Variants in GTF2H5 observed in about 807,000 individuals in gnomAD.
The protein encoded by GTF2H5 is TFB5 ortholog.
In GTF2H5, 5 loss-of-function variants were observed where a neutral mutation model predicts 7.1. The ratio of observed to expected loss-of-function variants is 0.71; its 90% CI spans 0.37 to 1.49. GTF2H5 has a LOEUF of 1.49. GTF2H5 is among the 40% of genes most tolerant of loss of function. The pLI is 0.03. For synonymous variants in GTF2H5, 30 were observed against 31.7 expected (o/e 0.95, Z 0.18); for missense variants, 80 against 83.0 (o/e 0.96, Z 0.14).
chr6:158,196,627 A>G lies in GTF2H5; in HGVS notation c.*4470A>G, dbSNP rs1361413374. On this transcript the variant is annotated 3_prime_UTR_variant, in exon 3 of 3. Coordinates refer to ENST00000607778, the MANE Select transcript of GTF2H5 (RefSeq NM_207118.3). ...TATCAGTTTAAATAGAGCCCCTGTC[A>G]GAACAATATGAATTCTGCTAAAACT... 6.6e-6 allele frequency: 1 copy of G among 152,256 alleles called. No homozygotes were observed. The highest frequency in any genetic ancestry group is 1.9e-4 in the East Asian group (1 of 5,198). 9.4% of individuals were successfully genotyped at this position (152,256 alleles called of 1,614,324 possible).
chr6:158,173,644 G>T (rs942197884), intron 2 of GTF2H5, among the ~76,000 whole-genome samples: 1 of 152,164 alleles, frequency 6.6e-6, no homozygotes, highest in African/African-American at 2.4e-5. Context: ...GCTGTTGCAG[G>T]TGAATACCAA....
intron 2 of GTF2H5, among the ~76,000 whole-genome samples, chr6:158,188,041 G>A (rs549227877): frequency 5.9e-5 from 9 of 152,198 alleles, no homozygotes; most frequent in South Asian, 2.1e-4. Context: ...TGGGGGGTGG[G>A]GTGCTTAGAA....
chr6:158,170,605 T>C, intron 2 of GTF2H5, 67 bp downstream of exon 2: 1 of 1,100,326 alleles, frequency 9.1e-7, no homozygotes, highest in Non-Finnish European at 1.4e-6. Flanking sequence ...ATGTATGTCT[T>C]TTCTAAAACC....
rs890373069 is a variant in GTF2H5, at chr6:158,193,451, A to G, written c.*1294A>G. ...TTTTCCAAGAGAAAAGAGAATTTTC[A>G]TGACCTGTAGACTCTTACAAATCCA... On this transcript the variant is annotated 3_prime_UTR_variant, in exon 3 of 3. Transcript: ENST00000607778. The G allele has an allele frequency of 3.3e-5, 5 of 152,222 alleles. No homozygotes were observed. The highest frequency in any genetic ancestry group is 5.9e-5 in the Non-Finnish European group (4 of 68,044). The allele number at this position is 152,222 out of a possible 1,614,324, so 9.4% of individuals were successfully genotyped here. A position where few individuals can be genotyped will look rare whatever the true frequency, so the allele number is the denominator to read the frequency against.
chr6:158,188,055 T>C (rs1380072078), intron 2 of GTF2H5, among the ~76,000 whole-genome samples: 1 of 152,202 alleles, frequency 6.6e-6, no homozygotes, highest in African/African-American at 2.4e-5. Context: ...CTTAGAACTT[T>C]ATTTTTGGTT....
chr6:158,182,618 A>G (rs565029160), intron 2 of GTF2H5, among the ~76,000 whole-genome samples: 38 of 151,674 alleles, frequency 2.5e-4, no homozygotes, highest in South Asian at 1.0e-3. Flanking sequence ...GTTGTATTTC[A>G]TGAATTTGAT....
At chr6:158,169,475 T>A (rs1416713514) in intron 1 of GTF2H5, among the ~76,000 whole-genome samples, 1 of 48,674 alleles carries the variant, frequency 2.1e-5, no homozygotes, top group Non-Finnish European at 3.0e-5. Context: ...TATTGTATAT[T>A]ATATATAATA....
chr6:158,179,820 AC>A (rs796676615), intron 2 of GTF2H5, among the ~76,000 whole-genome samples: 4 of 152,174 alleles, frequency 2.6e-5, no homozygotes, highest in African/African-American at 7.2e-5. Flanking sequence ...CTATCTGAAT[AC>A]CCTTTATTGC....
At chr6:158,169,358 A>G (rs13204908) in intron 1 of GTF2H5, among the ~76,000 whole-genome samples, 4 of 80,922 alleles carry the variant, frequency 4.9e-5, no homozygotes, top group African/African-American at 8.3e-5. Flanking sequence ...TATATATAAT[A>G]CATATATATA....
At chr6:158,182,712 G>C (rs1169506535) in intron 2 of GTF2H5, among the ~76,000 whole-genome samples, 1 of 151,868 alleles carries the variant, frequency 6.6e-6, no homozygotes, top group Non-Finnish European at 1.5e-5. Context: ...TCGTACTGTG[G>C]TTTTCAGCAC....
In GTF2H5 at chr6:158,196,986, A is replaced by G. The variant is rs983804214; in HGVS notation, c.*4829A>G. ...TAAAGTTGAGCACACTTTCCACTCA[A>G]TGGATACCAAAACCATCCAGCCCAG... On this transcript the variant is annotated 3_prime_UTR_variant, in exon 3 of 3. Coordinates refer to ENST00000607778, the MANE Select transcript of GTF2H5 (RefSeq NM_207118.3). The G allele has an allele frequency of 1.3e-5, 2 of 152,238 alleles. No individual in the cohort carries two copies. The highest frequency in any genetic ancestry group is 1.5e-5 in the Non-Finnish European group (1 of 68,046). 9.4% of individuals were successfully genotyped at this position (152,238 alleles called of 1,614,324 possible).
chr6:158,169,765 T>TATATA (rs1785811632), intron 1 of GTF2H5, among the ~76,000 whole-genome samples: 1 of 84,490 alleles, frequency 1.2e-5, no homozygotes, highest in African/African-American at 4.2e-5. Flanking sequence ...TATTGTATAT[T>TATATA]ATATATAATA....
chr6:158,169,682 TA>T (rs1785785386), intron 1 of GTF2H5, among the ~76,000 whole-genome samples: 1 of 81,010 alleles, frequency 1.2e-5, no homozygotes. Context: ...TTATATAATA[TA>T]TAATATATAT....
chr6:158,169,481 TAA>T (rs1785743629), intron 1 of GTF2H5, among the ~76,000 whole-genome samples: 1 of 65,324 alleles, frequency 1.5e-5, no homozygotes, highest in African/African-American at 7.8e-5. Flanking sequence ...ATATTATATA[TAA>T]TATATTGTAT....
At chr6:158,170,425 A>G in intron 1 of GTF2H5, 45 bp from the exon 2 acceptor site, 1 of 1,158,612 alleles carries the variant, frequency 8.6e-7, no homozygotes, top group South Asian at 1.2e-5. Flanking sequence ...AAGTATATGA[A>G]AGTTAATGAT....
At chr6:158,169,117 C>G (rs554661767) in intron 1 of GTF2H5, among the ~76,000 whole-genome samples, 43 of 150,408 alleles carry the variant, frequency 2.9e-4, no homozygotes, top group African/African-American at 1.0e-3. Context: ...GCCTGTAGTC[C>G]CCGCTGCTTG....
In GTF2H5 at chr6:158,192,501, G is replaced by A; in HGVS notation, c.*344G>A. 2.1e-5 allele frequency: 6 copies of A among 282,422 alleles called. No homozygotes were observed. The highest frequency in any genetic ancestry group is 1.9e-4 in the South Asian group (5 of 26,306). 17.5% of individuals were successfully genotyped at this position (282,422 alleles called of 1,614,324 possible). ...TGTGATCTGTGCATTTTTGCTGCGT[G>A]GATGTGATTGTTTGGTTTCAGTTAG... is the stretch of plus-strand genomic sequence containing the variant. On this transcript the variant is annotated 3_prime_UTR_variant, in exon 3 of 3. Coordinates refer to ENST00000607778, the MANE Select transcript of GTF2H5 (RefSeq NM_207118.3).
chr6:158,169,443 A>AT lies in GTF2H5; in HGVS notation c.-34-1026dup, dbSNP rs1583623862. 4.9e-5 allele frequency among the ~76,000 whole-genome samples: 4 copies of AT among 82,134 alleles called. 1 individual carries two copies. The East Asian group carries it at 1.2e-3, about 24-fold the overall frequency. The allele number at this position is 82,134 out of a possible 152,430, so 53.9% of individuals were successfully genotyped here. Reference sequence around the variant, plus strand: ...ATATATAATATATTGTATATTATATATATTATATATTATATATATTATATT... The same window carrying AT: ...ATATATAATATATTGTATATTATATATTATTATATATTATATATATTATATT... On this transcript the variant is annotated intron_variant, in intron 1 of 2. Coordinates refer to ENST00000607778, the MANE Select transcript of GTF2H5 (RefSeq NM_207118.3).
rs1562468419 is a variant in GTF2H5 at position 158,169,503 on chromosome 6, TATATTGTATATTATATATAATA to T, written c.-34-966_-34-945del. ...ATATAATATATTGTATATTATATAATATATTGTATATTATATATAATATACAGTATATTATATATAATATACT... is the reference window on the plus strand; with the variant it reads ...ATATAATATATTGTATATTATATAATTACAGTATATTATATATAATATACT... On this transcript the variant is annotated intron_variant, in intron 1 of 2. Transcript: ENST00000607778. 2.5e-4 allele frequency among the ~76,000 whole-genome samples: 18 copies of T among 73,332 alleles called. 3 individuals are homozygous for T. The highest frequency in any genetic ancestry group is 9.9e-4 in the African/African-American group (17 of 17,184). The allele number at this position is 73,332 out of a possible 152,430, so 48.1% of individuals were successfully genotyped here. A position where few individuals can be genotyped will look rare whatever the true frequency, so the allele number is the denominator to read the frequency against.
Sources: gnomAD v4.1 joint callset for allele counts (sites outside exome capture counted in the v4.1 genomes callset) on GRCh38, gnomAD v4.1.1 for gene constraint, MANE v1.5 for transcripts, NCBI Gene and HGNC (gene_info 2026-07-23, HGNC 2026-07-21) for gene names.